The following MRRF variants were observed in gnomAD, a reference collection of about 807,000 sequenced individuals.
MRRF encodes ribosome-recycling factor, mitochondrial.
Under a neutral mutation model 25.1 loss-of-function variants are expected in MRRF, and 18 were observed. That is an observed-to-expected ratio of 0.72 (90% CI 0.50 to 1.06). The LOEUF (loss-of-function observed/expected upper bound fraction) is 1.06. Ranked by LOEUF, MRRF falls within the 50% of genes least tolerant of loss-of-function variation. The probability of loss-of-function intolerance (pLI) is 0.00; values close to 1 mark genes in which losing one functional copy is unlikely to be tolerated. For synonymous variants in MRRF, 113 were observed against 112.1 expected (o/e 1.01, Z -0.05); for missense variants, 323 against 319.3 (o/e 1.01, Z -0.09).
intron 1 of MRRF, among the ~76,000 whole-genome samples, chr9:122,269,806 C>T (rs1385348306): frequency 2.6e-5 from 4 of 152,266 alleles, no homozygotes; most frequent in South Asian, 2.1e-4. Flanking sequence ...TTGGGGGGCT[C>T]CTGCTGTTTG....
At position 122,285,227 on chromosome 9, in the gene MRRF, T is replaced by G; in HGVS notation, c.399T>G (p.Ile133Met). 1.2e-6 allele frequency: 2 copies of G among 1,614,036 alleles called. No homozygotes were observed. The highest frequency in any genetic ancestry group is 1.1e-5 in the South Asian group (1 of 91,088). Residue 133 changes from isoleucine (I) to methionine (M), a missense_variant, in exon 4 of 7, where the codon ATT (isoleucine) becomes ATG (methionine). Transcript: ENST00000344641. ...ACGGGAAGCTTGCTTTAAACCAGAT[T>G]AGCCAGATCTCCATGAAGTCGCCAC... ...TADGKLALNQISQISMKSPQL... is the reference protein window; with the variant it reads ...TADGKLALNQMSQISMKSPQL...
chr9:122,285,432 CT>C, intron 4 of MRRF, 145 bp downstream of exon 4: 1 of 741,870 alleles, frequency 1.3e-6, no homozygotes. Flanking sequence ...AGGCAAAGCT[CT>C]TTTCCTGTTG....
intron 3 of MRRF, 60 bp downstream of exon 3, chr9:122,280,658 G>C (rs1264685056): frequency 1.3e-6 from 2 of 1,564,984 alleles, no homozygotes; most frequent in Non-Finnish European, 1.8e-6. Flanking sequence ...GGGTTTGGCA[G>C]AGTTGAGTTT....
At chr9:122,304,885 G>A (rs891554928) in intron 5 of MRRF, among the ~76,000 whole-genome samples, 2 of 152,092 alleles carry the variant, frequency 1.3e-5, no homozygotes, top group Non-Finnish European at 2.9e-5. Context: ...TCCTGTGTCT[G>A]CCAAGAACTT....
At position 122,324,864 on chromosome 9, in the gene MRRF, C is replaced by G. The variant is rs1836079396; in HGVS notation, c.*2247C>G. 6.6e-6 allele frequency: 1 copy of G among 152,226 alleles called. No individual in the cohort carries two copies. The highest frequency in any genetic ancestry group is 6.5e-5 in the Admixed American group (1 of 15,286). The allele number at this position is 152,226 out of a possible 1,614,324, so 9.4% of individuals were successfully genotyped here. A position where few individuals can be genotyped will look rare whatever the true frequency, so the allele number is the denominator to read the frequency against. On this transcript the variant is annotated 3_prime_UTR_variant, in exon 7 of 7. Transcript: ENST00000344641. ...TAACACAGTCTCCTGCCCCACTTACCTGTCCTCTAACCCCATCCACCAGCC... is the reference window on the plus strand; with the variant it reads ...TAACACAGTCTCCTGCCCCACTTACGTGTCCTCTAACCCCATCCACCAGCC...
At position 122,313,313 on chromosome 9, in the gene MRRF, C is replaced by T; in HGVS notation, c.638C>T (p.Thr213Ile). 1.9e-6 allele frequency: 3 copies of T among 1,614,072 alleles called. No individual in the cohort carries two copies. Among genetic ancestry groups the T allele is most frequent in the Non-Finnish European group, 2.5e-6 (3 of 1,179,938 alleles). ...KAKDSLRKVR[T>I]NSMNKLKKSK... Reference sequence around the variant, plus strand: ...AAAGACTCTTTACGGAAGGTTCGCACCAACTCAATGAACAAGCTGAAGAAA... The same window carrying T: ...AAAGACTCTTTACGGAAGGTTCGCATCAACTCAATGAACAAGCTGAAGAAA... The change falls in exon 6 of 7, where the codon ACC becomes ATC. Residue 213 changes from threonine (T) to isoleucine (I), a missense_variant. Physicochemically the swap from Thr to Ile is moderately conservative, Grantham distance 89. Transcript: ENST00000344641.
intron 6 of MRRF, among the ~76,000 whole-genome samples, chr9:122,319,874 A>ATTT (rs975991164): frequency 1.2e-3 from 154 of 129,964 alleles, no homozygotes; most frequent in African/African-American, 4.2e-3. Flanking sequence ...ATTTTCATTA[A>ATTT]TTTTTTTTTT....
chr9:122,305,237 C>G (rs1184742422), intron 5 of MRRF, among the ~76,000 whole-genome samples: 1 of 151,838 alleles, frequency 6.6e-6, no homozygotes, highest in Non-Finnish European at 1.5e-5. Flanking sequence ...ATAGCGAAAC[C>G]CCATCTCTAC....
chr9:122,294,338 A>G (rs533346094), intron 5 of MRRF, among the ~76,000 whole-genome samples: 1 of 152,366 alleles, frequency 6.6e-6, no homozygotes, highest in South Asian at 2.1e-4. Flanking sequence ...CGCAAGAGTA[A>G]ATGATCACTG....
At chr9:122,318,240 C>T (rs1333232765) in intron 6 of MRRF, among the ~76,000 whole-genome samples, 1 of 152,154 alleles carries the variant, frequency 6.6e-6, no homozygotes, top group African/African-American at 2.4e-5. Flanking sequence ...CACTACTTCC[C>T]AACCCGCATT....
chr9:122,277,310 T>A (rs1832834749), intron 2 of MRRF, among the ~76,000 whole-genome samples: 1 of 152,220 alleles, frequency 6.6e-6, no homozygotes, highest in Non-Finnish European at 1.5e-5. Flanking sequence ...TTAAAATCTT[T>A]TTTGTTTGAT....
intron 6 of MRRF, among the ~76,000 whole-genome samples, chr9:122,318,673 G>A (rs1167372195): frequency 1.3e-5 from 2 of 152,226 alleles, no homozygotes; most frequent in Non-Finnish European, 2.9e-5. Context: ...CAAATGTGAT[G>A]ATGATAATGA....
chr9:122,326,754 G>A lies in MRRF; in HGVS notation c.*4137G>A, dbSNP rs1836154462. 1.3e-5 allele frequency: 2 copies of A among 152,064 alleles called. No homozygotes were observed. Among genetic ancestry groups the A allele is most frequent in the African/African-American group, 4.8e-5 (2 of 41,400 alleles). 9.4% of individuals were successfully genotyped at this position (152,064 alleles called of 1,614,324 possible). ...TTTATTGAATGCCTACAGTCGGCCA[G>A]GTTCCATGCTAGACCCTTTACACGT... is the stretch of plus-strand genomic sequence containing the variant. On this transcript the variant is annotated 3_prime_UTR_variant, in exon 7 of 7. Coordinates refer to ENST00000344641, the MANE Select transcript of MRRF (RefSeq NM_138777.5).
intron 6 of MRRF, among the ~76,000 whole-genome samples, chr9:122,317,829 T>A (rs1835631941): frequency 1.3e-5 from 2 of 152,136 alleles, no homozygotes; most frequent in Non-Finnish European, 2.9e-5. Context: ...GCTTCTTCAA[T>A]TTTTGGTGTA....
Position 122,322,953 on chromosome 9 carries a change from A to G in MRRF, c.*336A>G, listed in dbSNP as rs1353362747. 1.3e-5 allele frequency: 5 copies of G among 389,308 alleles called. No homozygotes were observed. Among genetic ancestry groups the G allele is most frequent in the East Asian group, 9.7e-5 (2 of 20,692 alleles). The allele number at this position is 389,308 out of a possible 1,614,324, so 24.1% of individuals were successfully genotyped here. On this transcript the variant is annotated 3_prime_UTR_variant, in exon 7 of 7. Coordinates refer to ENST00000344641, the MANE Select transcript of MRRF (RefSeq NM_138777.5). ...CTCATCTTAGGAGTCTCCTTTTCAA[A>G]TAATTAGGCTCTGTTCCCATTTTAA...
intron 4 of MRRF, among the ~76,000 whole-genome samples, chr9:122,286,536 C>T (rs1381104609): frequency 6.6e-6 from 1 of 152,108 alleles, no homozygotes; most frequent in Non-Finnish European, 1.5e-5. Context: ...GAAACCCTGG[C>T]TCTACAAAAA....
At chr9:122,303,286 T>TTATATATA (rs34107230) in intron 5 of MRRF, among the ~76,000 whole-genome samples, 3 of 148,354 alleles carry the variant, frequency 2.0e-5, no homozygotes, top group African/African-American at 4.9e-5. Context: ...AATAAATATA[T>TTATATATA]TATATATATA....
intron 6 of MRRF, among the ~76,000 whole-genome samples, chr9:122,320,148 A>C (rs916736549): frequency 5.3e-5 from 8 of 152,138 alleles, no homozygotes; most frequent in Non-Finnish European, 1.0e-4. Context: ...TGCTAGGATA[A>C]CAGGTGTGAG....
intron 5 of MRRF, among the ~76,000 whole-genome samples, chr9:122,297,567 A>G (rs1466386855): frequency 6.6e-6 from 1 of 151,984 alleles, no homozygotes; most frequent in Non-Finnish European, 1.5e-5. Context: ...TTACACTTAC[A>G]TTAACCAGTT....
Sources: gnomAD v4.1 joint callset for allele counts (sites outside exome capture counted in the v4.1 genomes callset) on GRCh38, gnomAD v4.1.1 for gene constraint, MANE v1.5 for transcripts, NCBI Gene and HGNC (gene_info 2026-07-23, HGNC 2026-07-21) for gene names.